THSD4: variants seen among roughly 807,000 people sequenced by gnomAD.
THSD4 encodes thrombospondin type 1 domain containing 4.
Under a neutral mutation model 119.0 loss-of-function variants are expected in THSD4, and 69 were observed. The ratio of observed to expected loss-of-function variants is 0.58; its 90% CI spans 0.48 to 0.71. THSD4 has a LOEUF of 0.71. THSD4 is among the 30% of genes least tolerant of loss of function. The probability of loss-of-function intolerance (pLI) is 0.00; values close to 1 mark genes in which losing one functional copy is unlikely to be tolerated. For synonymous variants in THSD4, 524 were observed against 540.4 expected (o/e 0.97, Z 0.42); for missense variants, 1,393 against 1,391.1 (o/e 1.00, Z -0.02).
chr15:71,772,824 A>G (rs1022247793), intron 17 of THSD4, among the ~76,000 whole-genome samples: 1 of 152,206 alleles, frequency 6.6e-6, no homozygotes, highest in African/African-American at 2.4e-5. Flanking sequence ...TATTGAGACC[A>G]CACTGAAGAT....
chr15:71,689,815 T>C (rs2052008495), intron 8 of THSD4, among the ~76,000 whole-genome samples: 1 of 152,206 alleles, frequency 6.6e-6, no homozygotes, highest in South Asian at 2.1e-4. Flanking sequence ...GTTATTTCCC[T>C]CCAGTTTGGG....
intron 1 of THSD4, among the ~76,000 whole-genome samples, chr15:71,107,006 C>A (rs1255065772): frequency 6.6e-6 from 1 of 152,220 alleles, no homozygotes; most frequent in South Asian, 2.1e-4. Context: ...ATGATTACCA[C>A]AACCATGCCC....
chr15:71,200,797 G>A (rs1037448361), intron 3 of THSD4, among the ~76,000 whole-genome samples: 1 of 152,190 alleles, frequency 6.6e-6, no homozygotes, highest in Non-Finnish European at 1.5e-5. Context: ...TGCACAGAGT[G>A]AAAATACAAT....
chr15:71,729,121 G>A (rs2052924272), intron 9 of THSD4: 3 of 230,946 alleles, frequency 1.3e-5, no homozygotes, highest in Non-Finnish European at 2.6e-5. Flanking sequence ...AGGAAGGCAG[G>A]ACCGCTCCCA....
At chr15:71,383,516 T>A (rs1206519561) in intron 6 of THSD4, among the ~76,000 whole-genome samples, 1 of 152,218 alleles carries the variant, frequency 6.6e-6, no homozygotes, top group African/African-American at 2.4e-5. Flanking sequence ...TAAACCAGTG[T>A]CTTTTCCATT....
At chr15:71,199,545 G>T (rs1217011203) in intron 3 of THSD4, among the ~76,000 whole-genome samples, 1 of 147,516 alleles carries the variant, frequency 6.8e-6, no homozygotes, top group Non-Finnish European at 1.5e-5. Flanking sequence ...GTGTGTGTAT[G>T]TGTGGTGTGT....
intron 7 of THSD4, among the ~76,000 whole-genome samples, chr15:71,627,981 C>T (rs2050541397): frequency 6.6e-6 from 1 of 152,140 alleles, no homozygotes; most frequent in African/African-American, 2.4e-5. Flanking sequence ...TTCCATATTC[C>T]AGCTAAGCAT....
chr15:71,738,206 G>C, intron 11 of THSD4, 199 bp downstream of exon 11: 1 of 677,688 alleles, frequency 1.5e-6, no homozygotes, highest in Non-Finnish European at 2.4e-6. Context: ...GCATTAGTTA[G>C]AGTCTCATAA....
intron 7 of THSD4, among the ~76,000 whole-genome samples, chr15:71,425,973 C>G (rs980664347): frequency 2.0e-5 from 3 of 152,206 alleles, no homozygotes; most frequent in Non-Finnish European, 4.4e-5. Context: ...CTCTGAATTT[C>G]TCGAGTCCTT....
intron 7 of THSD4, among the ~76,000 whole-genome samples, chr15:71,516,655 G>T (rs6494941): frequency 2.0e-5 from 3 of 152,138 alleles, no homozygotes; most frequent in South Asian, 4.1e-4. Context: ...ACATCTGTGT[G>T]CCACCTGTAC....
intron 1 of THSD4, among the ~76,000 whole-genome samples, chr15:71,138,613 C>T (rs1296722017): frequency 6.6e-6 from 1 of 152,000 alleles, no homozygotes; most frequent in East Asian, 1.9e-4. Context: ...TTTCCTCCCA[C>T]TCCTCACAAG....
chr15:71,266,043 T>C (rs1247526812), intron 6 of THSD4, among the ~76,000 whole-genome samples: 1 of 152,190 alleles, frequency 6.6e-6, no homozygotes, highest in African/African-American at 2.4e-5. Context: ...TCAGCAGACT[T>C]AAACATTCCT....
intron 7 of THSD4, chr15:71,547,245 G>T: frequency 7.1e-7 from 1 of 1,407,858 alleles, no homozygotes; most frequent in East Asian, 2.7e-5. Flanking sequence ...CAGAACAGAG[G>T]CTGAGCTCGA....
chr15:71,136,832 C>T (rs1180220402), intron 1 of THSD4, among the ~76,000 whole-genome samples: 2 of 152,098 alleles, frequency 1.3e-5, no homozygotes, highest in Non-Finnish European at 2.9e-5. Flanking sequence ...GAAGGATACT[C>T]AGAGGTGGGC....
intron 16 of THSD4, chr15:71,767,347 G>A (rs2140235628): frequency 6.6e-6 from 1 of 152,238 alleles, no homozygotes; most frequent in Non-Finnish European, 1.5e-5. Flanking sequence ...CTAGTTGGTG[G>A]CATCAGCACT....
At chr15:71,343,875 GCTAA>G (rs2045615712) in intron 6 of THSD4, among the ~76,000 whole-genome samples, 2 of 151,478 alleles carry the variant, frequency 1.3e-5, no homozygotes. Context: ...ACCACACCCA[GCTAA>G]CTTTTTGTAT....
intron 7 of THSD4, among the ~76,000 whole-genome samples, chr15:71,470,010 A>T (rs1017884474): frequency 6.6e-6 from 1 of 152,210 alleles, no homozygotes; most frequent in African/African-American, 2.4e-5. Context: ...CACTAGCCAT[A>T]TGGAGGTAGA....
At chr15:71,337,072 G>C (rs2045498036) in intron 6 of THSD4, among the ~76,000 whole-genome samples, 2 of 152,168 alleles carry the variant, frequency 1.3e-5, no homozygotes, top group Non-Finnish European at 2.9e-5. Flanking sequence ...TGGGAGGCAA[G>C]GAGGAAAGAG....
chr15:71,569,582 A>G (rs2049311130), intron 7 of THSD4, among the ~76,000 whole-genome samples: 1 of 152,226 alleles, frequency 6.6e-6, no homozygotes, highest in Non-Finnish European at 1.5e-5. Flanking sequence ...CATGAGTAAG[A>G]CTGGTGTCTA....
Sources: gnomAD v4.1 joint callset for allele counts (sites outside exome capture counted in the v4.1 genomes callset) on GRCh38, gnomAD v4.1.1 for gene constraint, MANE v1.5 for transcripts, NCBI Gene and HGNC (gene_info 2026-07-23, HGNC 2026-07-21) for gene names.